ERI2: variants seen among roughly 807,000 people sequenced by gnomAD.
ERI2 encodes ERI1 exoribonuclease 2.
A neutral mutation model predicts 46.8 loss-of-function variants in ERI2; 35 were observed. The observed-to-expected ratio is 0.75, with a 90% confidence interval of 0.57 to 0.99. The LOEUF (loss-of-function observed/expected upper bound fraction) is 0.99. Among genes scored for constraint, ERI2 ranks in the 50% least tolerant of loss-of-function variants. ERI2 has a pLI of 0.00. For synonymous variants in ERI2, 224 were observed against 271.0 expected, an observed-to-expected ratio of 0.83 and a Z score of 1.70; for missense variants, 695 against 796.2, an observed-to-expected ratio of 0.87 and a Z score of 1.53.
At chr16:20,786,162 T>G in intron 10 of ERI2, 1 of 1,609,116 alleles carries the variant, frequency 6.2e-7, no homozygotes, top group Non-Finnish European at 8.5e-7. Flanking sequence ...TGTTAAGGTT[T>G]GCACATCCCC....
intron 10 of ERI2, chr16:20,780,835 T>G (rs1596522534): frequency 1.2e-6 from 2 of 1,614,182 alleles, no homozygotes; most frequent in African/African-American, 2.7e-5. Context: ...CAGTTTTGGT[T>G]TAGGATTATC....
Position 20,790,584 on chromosome 16 carries a change from T to C in ERI2, c.815+266A>G, listed in dbSNP as rs748054945. 1 of 1,612,470 alleles carries C rather than the reference T, an allele frequency of 6.2e-7. No individual in the cohort carries two copies. ...TTAAATAAATTGTTCTATTTTATCCTAGATTGTAGATGTAAATGGCAATGT... is the reference window on the plus strand; with the variant it reads ...TTAAATAAATTGTTCTATTTTATCCCAGATTGTAGATGTAAATGGCAATGT... On this transcript the variant is annotated intron_variant, in intron 9 of 10. Transcript: ENST00000300005. The surrounding 1 kb of genome is among the most constrained non-coding windows in gnomAD (Gnocchi z 4.0).
At position 20,798,263 on chromosome 16, in the gene ERI2, T is replaced by C; in HGVS notation, c.1537A>G (p.Asn513Asp). 6.4e-7 allele frequency: 1 copy of C among 1,551,620 alleles called. No homozygotes were observed. Among genetic ancestry groups the C allele is most frequent in the Non-Finnish European group, 8.7e-7 (1 of 1,146,910 alleles). Residue 513 changes from asparagine (N) to aspartate (D), a missense_variant, in exon 9 of 9, where the codon AAT becomes GAT. Coordinates refer to ENST00000357967, the MANE Select transcript of ERI2 (RefSeq NM_001142725.2). ...EHKSSTFNRV[N>D]ANMSHPLVLG... ...ACTAAAGGATGAGACATATTGGCAT[T>C]AACTCTGTTGAAGGTACTTGATTTG...
chr16:20,785,628 C>G (rs1222960987), intron 10 of ERI2, among the ~76,000 whole-genome samples: 1 of 151,916 alleles, frequency 6.6e-6, no homozygotes, highest in Non-Finnish European at 1.5e-5. Context: ...AAAAGAACAA[C>G]AGTGGTTATT....
Position 20,799,080 on chromosome 16 carries a change from A to C in ERI2, c.733-13T>G. The C allele has an allele frequency of 6.7e-7, 1 of 1,490,916 alleles. No homozygotes were observed. The highest frequency in any genetic ancestry group is 8.9e-7 in the Non-Finnish European group (1 of 1,124,618). 92.4% of individuals were successfully genotyped at this position (1,490,916 alleles called of 1,614,324 possible). A position where few individuals can be genotyped will look rare whatever the true frequency, so the allele number is the denominator to read the frequency against. On this transcript the variant is annotated splice_polypyrimidine_tract_variant and intron_variant, in intron 8 of 8. Coordinates refer to ENST00000357967, the MANE Select transcript of ERI2 (RefSeq NM_001142725.2). ...TCTTAGTGGGAACCTATGATTCCAC[A>C]GACAAATGCAACAGCTTTAGAAACT...
chr16:20,800,387 A>T lies in ERI2; in HGVS notation c.476T>A (p.Val159Asp). 6.2e-6 allele frequency: 10 copies of T among 1,607,342 alleles called. No individual in the cohort carries two copies. Among genetic ancestry groups the T allele is most frequent in the Non-Finnish European group, 8.5e-6 (10 of 1,175,764 alleles). Reference protein sequence around the residue: ...FVTWSDWDLGVCLEYECKRKQ... With the variant: ...FVTWSDWDLGDCLEYECKRKQ... ...TCTTTTACACTCATACTCCAGGCAA[A>T]CCCCCAAGTCCCAGTCTGCATTAGG... is the stretch of plus-strand genomic sequence containing the variant. The change falls in exon 6 of 9, where the codon GTT becomes GAT. Residue 159 changes from valine (V) to aspartate (D), a missense_variant. Val to Asp is a radical substitution (Grantham distance 152). Transcript: ENST00000357967.
intron 10 of ERI2, among the ~76,000 whole-genome samples, chr16:20,782,869 G>C (rs764175484): frequency 6.6e-6 from 1 of 152,192 alleles, no homozygotes; most frequent in Non-Finnish European, 1.5e-5. Flanking sequence ...AGATGAAGAG[G>C]TACATAGGGT....
At chr16:20,791,764 C>G (rs1401035099), downstream of ERI2, among the ~76,000 whole-genome samples, 1 of 151,900 alleles carries the variant, frequency 6.6e-6, no homozygotes, top group African/African-American at 2.4e-5. Flanking sequence ...CCATCTCAAC[C>G]AAAAAATACA....
At chr16:20,805,556 C>A (rs1433963502) in intron 1 of ERI2, among the ~76,000 whole-genome samples, 1 of 152,228 alleles carries the variant, frequency 6.6e-6, no homozygotes, top group Non-Finnish European at 1.5e-5. Flanking sequence ...CCTGTGCTAA[C>A]ATTCTTAAAT....
At chr16:20,789,377 A>G in intron 10 of ERI2, 2 of 829,672 alleles carry the variant, frequency 2.4e-6, no homozygotes, top group South Asian at 3.0e-5. Context: ...TTAATTACTT[A>G]GCATGTATTA....
intron 1 of ERI2, chr16:20,806,016 G>A: frequency 8.7e-7 from 1 of 1,147,644 alleles, no homozygotes; most frequent in Non-Finnish European, 1.1e-6. Flanking sequence ...TTACAGCACC[G>A]AGGAACGAGC....
In ERI2 at chr16:20,798,416, C is replaced by CT. The variant is rs771547434; in HGVS notation, c.1383dup (p.Glu462ArgfsTer8). The CT allele has an allele frequency of 3.2e-6, 5 of 1,550,690 alleles. No homozygotes were observed. The South Asian group carries it at 6.0e-5, about 18-fold the overall frequency. On this transcript the variant is annotated frameshift_variant, in exon 9 of 9. Transcript: ENST00000357967. LOFTEE classifies it high-confidence loss of function. ...GTCTCAGATTTTTGAGGAGTTTCCT[C>CT]TATGTCTCCAAAGTTTTCATGACTT...
Position 20,790,626 on chromosome 16 carries a change from G to T in ERI2, c.815+224C>A. 1.2e-6 allele frequency: 2 copies of T among 1,612,668 alleles called. No individual in the cohort carries two copies. Among genetic ancestry groups the T allele is most frequent in the Non-Finnish European group, 1.7e-6 (2 of 1,179,950 alleles). On this transcript the variant is annotated intron_variant, in intron 9 of 10. Transcript: ENST00000300005. This position sits in a 1 kb window ranked among gnomAD's most constrained non-coding sequence, Gnocchi z 4.0. Reference sequence around the variant, plus strand: ...TGGCAATGTTCTACCTCCTGGACAAGAAGGAGATATTGGCATTCAAGTTCT... The same window carrying T: ...TGGCAATGTTCTACCTCCTGGACAATAAGGAGATATTGGCATTCAAGTTCT...
At chr16:20,803,314 G>T (rs1480487903) in intron 3 of ERI2, 119 bp downstream of exon 3, 2 of 1,118,854 alleles carry the variant, frequency 1.8e-6, no homozygotes, top group Non-Finnish European at 2.5e-6. Flanking sequence ...CATAAGTTTT[G>T]CATTAAACTA....
chr16:20,792,434 T>C (rs954131853), downstream of ERI2: 6 of 1,564,722 alleles, frequency 3.8e-6, no homozygotes, highest in African/African-American at 8.2e-5. Flanking sequence ...AAATGATTCA[T>C]TTACTAAATA....
chr16:20,795,075 T>G (rs1259251612), downstream of ERI2, among the ~76,000 whole-genome samples: 1 of 152,226 alleles, frequency 6.6e-6, no homozygotes, highest in East Asian at 1.9e-4. Context: ...ACAAATGCAT[T>G]TTATAAAATG....
chr16:20,788,276 T>C (rs192243458), intron 10 of ERI2, among the ~76,000 whole-genome samples: 181 of 152,318 alleles, frequency 1.2e-3, no homozygotes, highest in Non-Finnish European at 2.3e-3. Flanking sequence ...GAAGTTGATA[T>C]GTAACACAGC....
In ERI2 at chr16:20,780,996, T is replaced by G. The variant is rs1459970056; in HGVS notation, c.895-262A>C. 1.9e-6 allele frequency: 3 copies of G among 1,614,120 alleles called. No homozygotes were observed. In the African/African-American group the frequency reaches 4.0e-5, roughly 22 times the overall value. ...CAGGTTCTGGCTAGATTTGACACCC[T>G]CAGATGTGATGTGGAATACCTCAGA... On this transcript the variant is annotated intron_variant, in intron 10 of 10. Transcript: ENST00000300005.
chr16:20,801,142 A>G (rs2080791375), intron 5 of ERI2, 61 bp downstream of exon 5: 3 of 1,332,808 alleles, frequency 2.3e-6, no homozygotes, highest in Non-Finnish European at 3.0e-6. Flanking sequence ...AACTAGAAAT[A>G]AAGAATTACA....
Sources: gnomAD v4.1 joint callset for allele counts (sites outside exome capture counted in the v4.1 genomes callset) on GRCh38, gnomAD v4.1.1 for gene constraint, Gnocchi (gnomAD v3.1) non-coding constraint, MANE v1.5 for transcripts, NCBI Gene and HGNC (gene_info 2026-07-23, HGNC 2026-07-21) for gene names.